SNRNP70: variants seen among roughly 807,000 people sequenced by gnomAD.
The protein encoded by SNRNP70 is small nuclear ribonucleoprotein U1 subunit 70.
A neutral mutation model predicts 50.5 loss-of-function variants in SNRNP70; 8 were observed. The ratio of observed to expected loss-of-function variants is 0.16; its 90% CI spans 0.09 to 0.29. The LOEUF is 0.29. SNRNP70 is among the 10% of genes least tolerant of loss of function. SNRNP70 has a pLI of 1.00. For synonymous variants in SNRNP70, 320 were observed against 252.9 expected (o/e 1.27, Z -2.52); for missense variants, 529 against 663.5 (o/e 0.80, Z 2.23).
intron 2 of SNRNP70, among the ~76,000 whole-genome samples, chr19:49,087,143 G>T (rs1289112471): frequency 3.7e-5 from 5 of 134,376 alleles, no homozygotes; most frequent in African/African-American, 1.2e-4. Flanking sequence ...TCGCGCCACT[G>T]CACTCCATCC....
At chr19:49,090,587 C>T (rs2040435814) in intron 4 of SNRNP70, 67 bp downstream of exon 4, 1 of 1,467,664 alleles carries the variant, frequency 6.8e-7, no homozygotes, top group Admixed American at 1.7e-5. Flanking sequence ...CCAGGTCATA[C>T]CCAGGACCCT....
Position 49,104,293 on chromosome 19 carries a change from A to G in SNRNP70, c.476-341A>G. ...AGAGTCCAGCGTGGAGTTAACCTTCAGTTTCTTTGCAGCGATTTTGGCCGC... is the reference window on the plus strand; with the variant it reads ...AGAGTCCAGCGTGGAGTTAACCTTCGGTTTCTTTGCAGCGATTTTGGCCGC... On this transcript the variant is annotated intron_variant, in intron 7 of 9. Coordinates refer to ENST00000598441, the MANE Select transcript of SNRNP70 (RefSeq NM_003089.6). This position sits in a 1 kb window ranked among gnomAD's most constrained non-coding sequence, Gnocchi z 5.4. 2 of 268,684 alleles carry G rather than the reference A, an allele frequency of 7.4e-6. No individual in the cohort carries two copies. The highest frequency in any genetic ancestry group is 9.7e-5 in the East Asian group (1 of 10,330). 16.6% of individuals were successfully genotyped at this position (268,684 alleles called of 1,614,324 possible).
At chr19:49,087,364 A>G (rs577304070) in intron 2 of SNRNP70, among the ~76,000 whole-genome samples, 16 of 152,074 alleles carry the variant, frequency 1.1e-4, no homozygotes, top group Non-Finnish European at 2.2e-4. Context: ...TAGTGGTAGC[A>G]CCCTTATAAT....
At chr19:49,098,284 T>G in intron 4 of SNRNP70, 143 bp from the exon 5 acceptor site, 1 of 692,418 alleles carries the variant, frequency 1.4e-6, no homozygotes, top group Non-Finnish European at 2.6e-6. Context: ...TCCCTGAGGT[T>G]GCCAGGTCAC....
Position 49,107,753 on chromosome 19 carries a change from A to T in SNRNP70, c.665+41A>T, listed in dbSNP as rs373562718. 1.3e-4 allele frequency: 209 copies of T among 1,612,338 alleles called. No homozygotes were observed. The highest frequency in any genetic ancestry group is 1.3e-4 in the Non-Finnish European group (150 of 1,179,598). On this transcript the variant is annotated intron_variant, in intron 9 of 9. Coordinates refer to ENST00000598441, the MANE Select transcript of SNRNP70 (RefSeq NM_003089.6). The surrounding 1 kb of genome is among the most constrained non-coding windows in gnomAD (Gnocchi z 6.0). ...CGGTGTCCTGGGGTGGGGGGCGGTCACGGGGGGAGCCCAGCCACACAGGTC... is the reference window on the plus strand; with the variant it reads ...CGGTGTCCTGGGGTGGGGGGCGGTCTCGGGGGGAGCCCAGCCACACAGGTC...
At chr19:49,101,655 AC>A in intron 7 of SNRNP70, 184 bp downstream of exon 7, 1 of 598,170 alleles carries the variant, frequency 1.7e-6, no homozygotes. Flanking sequence ...AAAAACAAAA[AC>A]CAAATCCCCC....
rs531433190 is a variant in SNRNP70 at position 49,107,555 on chromosome 19, C to G, written c.578-70C>G. The G allele has an allele frequency of 1.4e-6, 2 of 1,448,214 alleles. No homozygotes were observed. The highest frequency in any genetic ancestry group is 1.9e-6 in the Non-Finnish European group (2 of 1,032,758). 89.7% of individuals were successfully genotyped at this position (1,448,214 alleles called of 1,614,324 possible). A position where few individuals can be genotyped will look rare whatever the true frequency, so the allele number is the denominator to read the frequency against. ...CCTTCCTGCCCTTTGCTCTTGGAGTCGGCTCATTTCTGCTCCTCCGGGCCC... is the reference window on the plus strand; with the variant it reads ...CCTTCCTGCCCTTTGCTCTTGGAGTGGGCTCATTTCTGCTCCTCCGGGCCC... On this transcript the variant is annotated intron_variant, in intron 8 of 9. Coordinates refer to ENST00000598441, the MANE Select transcript of SNRNP70 (RefSeq NM_003089.6). The surrounding 1 kb of genome is among the most constrained non-coding windows in gnomAD (Gnocchi z 6.0).
intron 4 of SNRNP70, among the ~76,000 whole-genome samples, chr19:49,095,041 C>T (rs2040495870): frequency 6.6e-6 from 1 of 152,384 alleles, no homozygotes; most frequent in South Asian, 2.1e-4. Flanking sequence ...CATACGCTGG[C>T]TGTGGGGCGC....
At position 49,090,498 on chromosome 19, in the gene SNRNP70, A is replaced by G. The variant is rs765397185; in HGVS notation, c.243A>G (p.Glu81=). Residue 81 remains glutamate (E), a synonymous_variant, in exon 4 of 10, where the codon GAA becomes GAG. Coordinates refer to ENST00000598441, the MANE Select transcript of SNRNP70 (RefSeq NM_003089.6). ...RREKIERRQQ[E]VETELKMWDP... is the part of the protein sequence containing the mutation. ...AAAAGATTGAGCGGCGACAGCAAGA[A>G]GTGGAGACAGAGCTTAAAATGTGTA... 8.1e-6 allele frequency: 13 copies of G among 1,614,014 alleles called. No individual in the cohort carries two copies. The highest frequency in any genetic ancestry group is 1.6e-4 in the Middle Eastern group (1 of 6,084).
rs1449784210 is a variant in SNRNP70, at chr19:49,104,418, TG to T, written c.476-212del. 1 of 533,446 alleles carries T rather than the reference TG, an allele frequency of 1.9e-6. No homozygotes were observed. Among genetic ancestry groups the T allele is most frequent in the African/African-American group, 2.0e-5 (1 of 51,200 alleles). The allele number at this position is 533,446 out of a possible 1,614,324, so 33.0% of individuals were successfully genotyped here. ...GACGTCTCCCCCGACCAGGAGTGGT[TG>T]GGGCGCTGAGAGGAAGCAGACGCTG... On this transcript the variant is annotated intron_variant, in intron 7 of 9. Transcript: ENST00000598441. The surrounding 1 kb of genome is among the most constrained non-coding windows in gnomAD (Gnocchi z 5.4).
chr19:49,101,354 T>G, intron 6 of SNRNP70, 36 bp from the exon 7 acceptor site: 1 of 1,559,646 alleles, frequency 6.4e-7, no homozygotes. Flanking sequence ...AGCCGCCCTG[T>G]GGCAGGACTC....
chr19:49,090,429 C>A lies in SNRNP70; in HGVS notation c.211-37C>A, dbSNP rs1429191083. ...ATCCTTGACACTAGGGCACTTCTAT[C>A]TGCATTCACTTCTCCACCTCCCCTT... On this transcript the variant is annotated intron_variant, in intron 3 of 9. Coordinates refer to ENST00000598441, the MANE Select transcript of SNRNP70 (RefSeq NM_003089.6). 4 of 1,613,554 alleles carry A rather than the reference C, an allele frequency of 2.5e-6. No homozygotes were observed. In the African/African-American group the frequency reaches 5.3e-5, roughly 22 times the overall value.
chr19:49,098,400 T>A (rs1248914943), intron 4 of SNRNP70, 27 bp from the exon 5 acceptor site: 2 of 1,592,586 alleles, frequency 1.3e-6, no homozygotes. Context: ...CACCTTCAAC[T>A]TATAAAATTC....
intron 4 of SNRNP70, among the ~76,000 whole-genome samples, chr19:49,092,685 A>G (rs1282311231): frequency 1.3e-5 from 2 of 152,208 alleles, no homozygotes; most frequent in East Asian, 3.8e-4. Context: ...CTGGGATTAC[A>G]GGCATGAGCC....
rs1447704523 is a variant in SNRNP70 at position 49,098,720 on chromosome 19, CA to C, written c.393+17del. 3 of 1,609,824 alleles carry C rather than the reference CA, an allele frequency of 1.9e-6. No homozygotes were observed. The Admixed American group carries it at 5.0e-5, about 27-fold the overall frequency. ...TATCAAAAGAGTAAGTGGAGTGGGT[CA>C]GGGTGTTTGAATTGGGGGTGCATGG... is the stretch of plus-strand genomic sequence containing the variant. On this transcript the variant is annotated intron_variant, in intron 6 of 9. Coordinates refer to ENST00000598441, the MANE Select transcript of SNRNP70 (RefSeq NM_003089.6).
intron 2 of SNRNP70, among the ~76,000 whole-genome samples, chr19:49,088,132 C>G (rs1237704923): frequency 6.6e-6 from 1 of 151,172 alleles, no homozygotes; most frequent in Non-Finnish European, 1.5e-5. Context: ...CTCAGGTGAT[C>G]CACCCCCCTT....
intron 4 of SNRNP70, among the ~76,000 whole-genome samples, chr19:49,097,906 G>T (rs2040532872): frequency 1.3e-5 from 2 of 152,222 alleles, no homozygotes; most frequent in Admixed American, 6.5e-5. Flanking sequence ...AGCTTACTTA[G>T]TGTTTGCTTT....
chr19:49,108,284 T>C lies in SNRNP70; in HGVS notation c.1155T>C (p.Ser385=). The change falls in exon 10 of 10, where the codon AGT becomes AGC. Residue 385 remains serine (S), a synonymous_variant. Coordinates refer to ENST00000598441, the MANE Select transcript of SNRNP70 (RefSeq NM_003089.6). ...AGCACAAACGGGGGGAGCGGGGCAG[T>C]GAGCGGGGCAGGGATGAGGCCCGAG... ...DREHKRGERG[S]ERGRDEARGG... is the part of the protein sequence containing the mutation. 1.3e-6 allele frequency: 2 copies of C among 1,565,622 alleles called. No homozygotes were observed. Among genetic ancestry groups the C allele is most frequent in the Non-Finnish European group, 1.7e-6 (2 of 1,156,168 alleles).
At chr19:49,092,495 G>C (rs577569293) in intron 4 of SNRNP70, among the ~76,000 whole-genome samples, 4 of 151,284 alleles carry the variant, frequency 2.6e-5, no homozygotes, top group Admixed American at 2.0e-4. Flanking sequence ...TGCAACTTCC[G>C]CCTCCTGGGT....
Sources: allele counts gnomAD v4.1 joint callset (sites outside exome capture counted in the v4.1 genomes callset), GRCh38; gene constraint gnomAD v4.1.1; non-coding constraint Gnocchi (gnomAD v3.1); transcripts MANE v1.5; gene names NCBI Gene and HGNC (gene_info 2026-07-23, HGNC 2026-07-21).